Variants in CBFA2T3 observed in about 807,000 individuals in gnomAD.
CBFA2T3 encodes transcriptional corepressor CBFA2T3.
A neutral mutation model predicts 58.6 loss-of-function variants in CBFA2T3; 31 were observed. The ratio of observed to expected loss-of-function variants is 0.53; its 90% CI spans 0.40 to 0.71. CBFA2T3 has a LOEUF of 0.71. Among genes scored for constraint, CBFA2T3 ranks in the 30% least tolerant of loss-of-function variants. The pLI, the probability that CBFA2T3 is intolerant of heterozygous loss-of-function variation, is 0.00. For synonymous variants in CBFA2T3, 531 were observed against 421.9 expected, an observed-to-expected ratio of 1.26 and a Z score of -3.17; for missense variants, 1,076 against 963.1, an observed-to-expected ratio of 1.12 and a Z score of -1.55.
chr16:88,875,275 A>C lies in CBFA2T3; in HGVS notation c.*1701T>G. 4.4e-6 allele frequency: 1 copy of C among 227,916 alleles called. No homozygotes were observed. The highest frequency in any genetic ancestry group is 8.7e-6 in the Non-Finnish European group (1 of 114,972). The allele number at this position is 227,916 out of a possible 1,614,324, so 14.1% of individuals were successfully genotyped here. A position where few individuals can be genotyped will look rare whatever the true frequency, so the allele number is the denominator to read the frequency against. On this transcript the variant is annotated 3_prime_UTR_variant, in exon 12 of 12. Transcript: ENST00000268679. ...TGTCCTTGTACTCGGTGCAAGCATG[A>C]ATTTCTTTATCCCTTTATTTCCTTC...
chr16:88,881,088 A>G (rs1472404393), intron 9 of CBFA2T3: 8 of 716,010 alleles, frequency 1.1e-5, no homozygotes, highest in Non-Finnish European at 1.8e-5. Context: ...CCCAGCTCCG[A>G]GCCTCTGGCC....
intron 1 of CBFA2T3, among the ~76,000 whole-genome samples, chr16:88,974,364 A>AG (rs1567643283): frequency 6.6e-6 from 1 of 151,980 alleles, no homozygotes; most frequent in Non-Finnish European, 1.5e-5. Flanking sequence ...CCTCCGCGTG[A>AG]GGGGGCTGGT....
chr16:88,889,608 TAATC>T (rs1969541817), intron 5 of CBFA2T3, among the ~76,000 whole-genome samples: 2 of 152,004 alleles, frequency 1.3e-5, no homozygotes, highest in African/African-American at 2.4e-5. Flanking sequence ...CCCCACCTGT[TAATC>T]AGGAACATGG....
chr16:88,951,510 T>C (rs2142840896), intron 1 of CBFA2T3: 1 of 366,542 alleles, frequency 2.7e-6, no homozygotes, highest in South Asian at 2.1e-5. Flanking sequence ...AATTAAAAAA[T>C]CAGTTTTAAA....
At chr16:88,917,953 C>T (rs554086114) in intron 1 of CBFA2T3, among the ~76,000 whole-genome samples, 4 of 152,238 alleles carry the variant, frequency 2.6e-5, no homozygotes, top group South Asian at 4.2e-4. Flanking sequence ...ACGGTGCAGG[C>T]GAAACCCACA....
At chr16:88,936,597 C>A (rs1971509768) in intron 1 of CBFA2T3, among the ~76,000 whole-genome samples, 1 of 152,218 alleles carries the variant, frequency 6.6e-6, no homozygotes, top group East Asian at 1.9e-4. Flanking sequence ...CCCTGGGTGG[C>A]TAAGCGGGCG....
intron 1 of CBFA2T3, among the ~76,000 whole-genome samples, chr16:88,903,598 C>A (rs1970183189): frequency 6.7e-6 from 1 of 150,106 alleles, no homozygotes; most frequent in African/African-American, 2.5e-5. Flanking sequence ...TGGCCAGTCC[C>A]TGGTGACAAC....
chr16:88,882,896 G>A (rs1969186625), intron 7 of CBFA2T3, 135 bp from the exon 8 acceptor site: 1 of 675,726 alleles, frequency 1.5e-6, no homozygotes, highest in Admixed American at 2.2e-5. Context: ...GGTAACCGAA[G>A]GGCTGGTTGA....
At chr16:88,966,160 G>A (rs905633167) in intron 1 of CBFA2T3, among the ~76,000 whole-genome samples, 1 of 152,208 alleles carries the variant, frequency 6.6e-6, no homozygotes, top group African/African-American at 2.4e-5. Flanking sequence ...CTGCTCTGAG[G>A]GTCACTCTGC....
At chr16:88,925,460 G>A (rs1437605293) in intron 1 of CBFA2T3, among the ~76,000 whole-genome samples, 1 of 152,136 alleles carries the variant, frequency 6.6e-6, no homozygotes, top group African/African-American at 2.4e-5. Context: ...TGCAGGGGAG[G>A]GAGGCCCTTC....
At chr16:88,910,088 C>A (rs1401095497) in intron 1 of CBFA2T3, among the ~76,000 whole-genome samples, 1 of 152,248 alleles carries the variant, frequency 6.6e-6, no homozygotes, top group East Asian at 1.9e-4. Flanking sequence ...CAGCTGTCCC[C>A]TCTGGCCTAA....
At chr16:88,935,064 C>G (rs1555540939) in intron 1 of CBFA2T3, among the ~76,000 whole-genome samples, 1 of 152,226 alleles carries the variant, frequency 6.6e-6, no homozygotes, top group Non-Finnish European at 1.5e-5. Flanking sequence ...TTTAAGGGAG[C>G]TGAAGGCCAC....
chr16:88,905,106 A>T (rs1970255701), intron 1 of CBFA2T3, among the ~76,000 whole-genome samples: 1 of 151,724 alleles, frequency 6.6e-6, no homozygotes, highest in African/African-American at 2.4e-5. Flanking sequence ...GTTGGCCAGG[A>T]CCTGTGGAGG....
chr16:88,976,955 C>G lies in CBFA2T3; in HGVS notation c.-148G>C, dbSNP rs1257895672. ...AGTTGGGCCTCTGTCCCTGGAAAGC[C>G]GAGGCCCTCCCGGCCACCAACTGGG... is the stretch of plus-strand genomic sequence containing the variant. On this transcript the variant is annotated 5_prime_UTR_variant, in exon 1 of 12. Coordinates refer to ENST00000268679, the MANE Select transcript of CBFA2T3 (RefSeq NM_005187.6). The G allele has an allele frequency of 1.0e-6, 1 of 966,920 alleles. No individual in the cohort carries two copies. Among genetic ancestry groups the G allele is most frequent in the Non-Finnish European group, 1.5e-6 (1 of 673,958 alleles). 59.9% of individuals were successfully genotyped at this position (966,920 alleles called of 1,614,324 possible).
intron 1 of CBFA2T3, among the ~76,000 whole-genome samples, chr16:88,903,956 C>G (rs1970202295): frequency 6.6e-6 from 1 of 152,246 alleles, no homozygotes; most frequent in African/African-American, 2.4e-5. Context: ...GGAGCTGGTG[C>G]CGGGCGCTGG....
At chr16:88,975,383 G>A (rs543773177) in intron 1 of CBFA2T3, among the ~76,000 whole-genome samples, 34 of 152,328 alleles carry the variant, frequency 2.2e-4, no homozygotes, top group African/African-American at 6.7e-4. Flanking sequence ...CTAACAAAGC[G>A]GCGGCTCTCC....
At chr16:88,905,306 C>T (rs1449202995) in intron 1 of CBFA2T3, among the ~76,000 whole-genome samples, 4 of 152,138 alleles carry the variant, frequency 2.6e-5, no homozygotes, top group Admixed American at 2.6e-4. Context: ...TGCTCTCCCC[C>T]AGTGCGGGGC....
chr16:88,874,905 T>C lies in CBFA2T3; in HGVS notation c.*2071A>G, dbSNP rs184984601. The C allele has an allele frequency of 1.1e-4, 25 of 232,294 alleles. No individual in the cohort carries two copies. The highest frequency in any genetic ancestry group is 5.3e-4 in the African/African-American group (24 of 45,384). The allele number at this position is 232,294 out of a possible 1,614,324, so 14.4% of individuals were successfully genotyped here. A position where few individuals can be genotyped will look rare whatever the true frequency, so the allele number is the denominator to read the frequency against. On this transcript the variant is annotated 3_prime_UTR_variant, in exon 12 of 12. Transcript: ENST00000268679. ...GCAAACATCTCGTTTATTACCATCA[T>C]GAATATCATTTGGACCTCTGCAAAG...
Position 88,953,882 on chromosome 16 carries a change from T to G in CBFA2T3, c.151+22775A>C, listed in dbSNP as rs1397703520. ...CTGCCATGGGCCTTGTCACCTGCATTGGGCTGGTGAGGACAGGGACAGAGA... is the reference window on the plus strand; with the variant it reads ...CTGCCATGGGCCTTGTCACCTGCATGGGGCTGGTGAGGACAGGGACAGAGA... On this transcript the variant is annotated intron_variant, in intron 1 of 11. Coordinates refer to ENST00000268679, the MANE Select transcript of CBFA2T3 (RefSeq NM_005187.6). The surrounding 1 kb of genome is among the most constrained non-coding windows in gnomAD (Gnocchi z 4.9). 6.6e-6 allele frequency among the ~76,000 whole-genome samples: 1 copy of G among 152,070 alleles called. No homozygotes were observed. The highest frequency in any genetic ancestry group is 6.5e-5 in the Admixed American group (1 of 15,272).
Sources: gnomAD v4.1 joint callset for allele counts (sites outside exome capture counted in the v4.1 genomes callset) on GRCh38, gnomAD v4.1.1 for gene constraint, Gnocchi (gnomAD v3.1) non-coding constraint, MANE v1.5 for transcripts, NCBI Gene and HGNC (gene_info 2026-07-23, HGNC 2026-07-21) for gene names.